The following LCLAT1 variants were observed in gnomAD, a reference collection of about 807,000 sequenced individuals.
The protein encoded by LCLAT1 is 1-AGP acyltransferase 8.
LCLAT1 carries 11 observed loss-of-function variants against 30.7 expected under a neutral mutation model. The observed-to-expected ratio is 0.36, with a 90% CI of 0.23 to 0.59. The LOEUF is 0.59. Among genes scored for constraint, LCLAT1 ranks in the 20% least tolerant of loss-of-function variants. The probability of loss-of-function intolerance (pLI) is 0.77; values close to 1 mark genes in which losing one functional copy is unlikely to be tolerated. For synonymous variants in LCLAT1, 155 were observed against 151.3 expected, an observed-to-expected ratio of 1.02 and a Z score of -0.18; for missense variants, 402 against 458.6, an observed-to-expected ratio of 0.88 and a Z score of 1.13.
At chr2:30,550,244 C>T (rs1221743957) in intron 3 of LCLAT1, among the ~76,000 whole-genome samples, 1 of 152,102 alleles carries the variant, frequency 6.6e-6, no homozygotes, top group Non-Finnish European at 1.5e-5. Flanking sequence ...CTTTTTCACC[C>T]AGCTTCTCTG....
intron 5 of LCLAT1, among the ~76,000 whole-genome samples, chr2:30,584,498 G>A (rs967210387): frequency 3.3e-5 from 5 of 152,162 alleles, no homozygotes; most frequent in Non-Finnish European, 5.9e-5. Context: ...TCTTAAAGAG[G>A]GTTAAAGAAT....
intron 1 of LCLAT1, among the ~76,000 whole-genome samples, chr2:30,453,123 C>T (rs915384114): frequency 6.6e-6 from 1 of 152,126 alleles, no homozygotes; most frequent in African/African-American, 2.4e-5. Context: ...TAAGAGACCA[C>T]ATCTGTTTTA....
chr2:30,466,942 A>T (rs978801697), intron 1 of LCLAT1, among the ~76,000 whole-genome samples: 30 of 151,932 alleles, frequency 2.0e-4, no homozygotes, highest in Non-Finnish European at 4.0e-4. Flanking sequence ...TTTATTTTTT[A>T]TTTTTTTTAA....
At chr2:30,608,300 CAA>C (rs534141767) in intron 5 of LCLAT1, among the ~76,000 whole-genome samples, 2 of 108,416 alleles carry the variant, frequency 1.8e-5, no homozygotes, top group African/African-American at 3.3e-5. Context: ...GACTCCATCT[CAA>C]AAAAAAAAAA....
chr2:30,524,601 G>A (rs1261197629), intron 1 of LCLAT1, among the ~76,000 whole-genome samples: 4 of 152,226 alleles, frequency 2.6e-5, no homozygotes, highest in Admixed American at 6.5e-5. Flanking sequence ...CTCTCTCGTC[G>A]CATCCAGGAC....
At chr2:30,558,064 A>G (rs1379322839) in intron 3 of LCLAT1, among the ~76,000 whole-genome samples, 2 of 152,202 alleles carry the variant, frequency 1.3e-5, no homozygotes, top group East Asian at 3.9e-4. Context: ...CACATGGAAT[A>G]ACATCCTAAT....
At chr2:30,539,973 T>TA (rs1230413252) in intron 3 of LCLAT1, among the ~76,000 whole-genome samples, 4 of 152,208 alleles carry the variant, frequency 2.6e-5, no homozygotes, top group Non-Finnish European at 5.9e-5. Context: ...AGTCAAGGCA[T>TA]AAAAATATTT....
chr2:30,640,335 G>A lies in LCLAT1; in HGVS notation c.847G>A (p.Gly283Arg). 5.6e-6 allele frequency: 9 copies of A among 1,614,194 alleles called. No homozygotes were observed. Among genetic ancestry groups the A allele is most frequent in the South Asian group, 1.1e-5 (1 of 91,082 alleles). The stretch of plus-strand genomic sequence containing the variant: ...AGAGAGGCTGCGTTCCTTCTATCAA[G>A]GGGAGAAGAATTTTTATTTTACCGG... ...KEERLRSFYQ[G>R]EKNFYFTGQS... Residue 283 changes from glycine (G) to arginine (R), a missense_variant, in exon 6 of 6, where the codon GGG (glycine) becomes AGG (arginine). Coordinates refer to ENST00000379509, the MANE Select transcript of LCLAT1 (RefSeq NM_001002257.3).
intron 3 of LCLAT1, among the ~76,000 whole-genome samples, chr2:30,542,947 T>C (rs957484145): frequency 2.1e-5 from 3 of 146,326 alleles, no homozygotes; most frequent in African/African-American, 7.6e-5. Context: ...TATTCGACTT[T>C]TATGGCTTTT....
At chr2:30,577,720 T>C (rs1666055476) in intron 5 of LCLAT1, among the ~76,000 whole-genome samples, 1 of 152,190 alleles carries the variant, frequency 6.6e-6, no homozygotes, top group African/African-American at 2.4e-5. Context: ...CTTTTCATTT[T>C]AATATTTTTC....
intron 1 of LCLAT1, among the ~76,000 whole-genome samples, chr2:30,498,172 G>T (rs1684208200): frequency 6.6e-6 from 1 of 152,202 alleles, no homozygotes; most frequent in African/African-American, 2.4e-5. Context: ...CCTGAAAGAG[G>T]GTTGCCAGCT....
intron 5 of LCLAT1, among the ~76,000 whole-genome samples, chr2:30,636,905 G>A (rs1339301337): frequency 6.6e-6 from 1 of 152,198 alleles, no homozygotes; most frequent in Non-Finnish European, 1.5e-5. Flanking sequence ...TAGAGAGGTA[G>A]AAGGAGCTAC....
At chr2:30,555,895 T>TG (rs1387561625) in intron 3 of LCLAT1, among the ~76,000 whole-genome samples, 2 of 149,632 alleles carry the variant, frequency 1.3e-5, no homozygotes, top group Non-Finnish European at 3.0e-5. Context: ...TGGAGTGCAC[T>TG]GGCGCGATCT....
At chr2:30,612,860 T>C (rs934194720) in intron 5 of LCLAT1, among the ~76,000 whole-genome samples, 3 of 152,134 alleles carry the variant, frequency 2.0e-5, no homozygotes, top group Non-Finnish European at 4.4e-5. Flanking sequence ...TCAATTTATA[T>C]ATTTCCTGAG....
At chr2:30,612,973 GAAAAT>G (rs1363110375) in intron 5 of LCLAT1, among the ~76,000 whole-genome samples, 4 of 152,158 alleles carry the variant, frequency 2.6e-5, no homozygotes, top group Admixed American at 6.6e-5. Context: ...GGCTTACAGA[GAAAAT>G]AAATCAAGGA....
At chr2:30,553,815 C>T (rs555916261) in intron 3 of LCLAT1, among the ~76,000 whole-genome samples, 10 of 151,776 alleles carry the variant, frequency 6.6e-5, no homozygotes, top group African/African-American at 2.4e-4. Context: ...GAGCGAGACT[C>T]CGTCTCAAAA....
At chr2:30,598,987 C>CT (rs1667056417) in intron 5 of LCLAT1, among the ~76,000 whole-genome samples, 2 of 122,564 alleles carry the variant, frequency 1.6e-5, no homozygotes, top group Non-Finnish European at 3.6e-5. Context: ...TTTTTCTTTT[C>CT]TTTTTTGTTT....
chr2:30,454,980 T>C (rs1681756945), intron 1 of LCLAT1, among the ~76,000 whole-genome samples: 1 of 152,170 alleles, frequency 6.6e-6, no homozygotes, highest in African/African-American at 2.4e-5. Context: ...AAGAATATAC[T>C]AGAAGTCGGA....
intron 1 of LCLAT1, among the ~76,000 whole-genome samples, chr2:30,449,258 C>T (rs1207026543): frequency 1.3e-5 from 2 of 152,090 alleles, no homozygotes; most frequent in African/African-American, 4.8e-5. Flanking sequence ...ACAAATTTTT[C>T]ATTTTTAATA....
Sources: gnomAD v4.1 joint callset for allele counts (sites outside exome capture counted in the v4.1 genomes callset) on GRCh38, gnomAD v4.1.1 for gene constraint, MANE v1.5 for transcripts, NCBI Gene and HGNC (gene_info 2026-07-23, HGNC 2026-07-21) for gene names.